The following OSBPL8 variants were observed in gnomAD, a reference collection of about 807,000 sequenced individuals.
The protein encoded by OSBPL8 is oxysterol-binding protein-related protein 8.
Under a neutral mutation model 125.5 loss-of-function variants are expected in OSBPL8, and 59 were observed. The observed-to-expected ratio is 0.47, with a 90% CI of 0.38 to 0.58. The LOEUF (loss-of-function observed/expected upper bound fraction) is 0.58. OSBPL8 is among the 20% of genes least tolerant of loss of function. The pLI is 0.00. For missense variants in OSBPL8, 758 were observed against 1,047.8 expected (o/e 0.72, Z 3.82); for synonymous variants, 330 against 338.9 (o/e 0.97, Z 0.29).
chr12:76,425,108 C>T (rs1461874589), intron 4 of OSBPL8, among the ~76,000 whole-genome samples: 1 of 151,900 alleles, frequency 6.6e-6, no homozygotes, highest in African/African-American at 2.4e-5. Flanking sequence ...TGGAAGCAGG[C>T]CAAAAAATAA....
chr12:76,549,141 G>A (rs1475360026), intron 1 of OSBPL8, among the ~76,000 whole-genome samples: 1 of 148,154 alleles, frequency 6.7e-6, no homozygotes, highest in Non-Finnish European at 1.5e-5. Flanking sequence ...AGAGAAGGAA[G>A]ATCAAGACAG....
At chr12:76,541,207 G>A (rs1272014791) in intron 1 of OSBPL8, among the ~76,000 whole-genome samples, 2 of 152,144 alleles carry the variant, frequency 1.3e-5, no homozygotes, top group African/African-American at 4.8e-5. Context: ...GGTCAGGCGC[G>A]GTGGCTCATG....
At chr12:76,549,407 C>CTGAT (rs1367910609) in intron 1 of OSBPL8, among the ~76,000 whole-genome samples, 2 of 152,310 alleles carry the variant, frequency 1.3e-5, no homozygotes, top group African/African-American at 4.8e-5. Flanking sequence ...GTGAATCAGA[C>CTGAT]TGATACATGA....
At chr12:76,456,688 T>C (rs1370858931) in intron 3 of OSBPL8, among the ~76,000 whole-genome samples, 2 of 152,176 alleles carry the variant, frequency 1.3e-5, no homozygotes, top group African/African-American at 2.4e-5. Flanking sequence ...GGAAGCCTTA[T>C]ACATAATACG....
At chr12:76,501,810 T>C (rs201079916) in intron 1 of OSBPL8, among the ~76,000 whole-genome samples, 1 of 152,138 alleles carries the variant, frequency 6.6e-6, no homozygotes. Context: ...CAGTGGCAGG[T>C]AGATTACGTT....
chr12:76,410,646 A>G lies in OSBPL8; in HGVS notation c.218-12T>C, dbSNP rs746692283. On this transcript the variant is annotated splice_polypyrimidine_tract_variant and intron_variant, in intron 4 of 23. Coordinates refer to ENST00000261183, the MANE Select transcript of OSBPL8 (RefSeq NM_020841.5). ...CCCTCTTTCAAAACCTTAAAAAAAT[A>G]GTCAGCATATCAGTATTACTACTTT... 3 of 1,551,484 alleles carry G rather than the reference A, an allele frequency of 1.9e-6. No homozygotes were observed. In the East Asian group the frequency reaches 6.7e-5, roughly 35 times the overall value.
chr12:76,516,884 G>A (rs1476811823), intron 1 of OSBPL8, among the ~76,000 whole-genome samples: 6 of 149,912 alleles, frequency 4.0e-5, no homozygotes, highest in South Asian at 2.1e-4. Context: ...GCGCAGTATC[G>A]GCTCACCACA....
intron 20 of OSBPL8, 28 bp from the exon 21 acceptor site, chr12:76,369,329 T>C (rs1356496278): frequency 6.5e-7 from 1 of 1,550,114 alleles, no homozygotes; most frequent in African/African-American, 1.4e-5. Context: ...AAAAAAACCA[T>C]TTGCTCAATG....
In OSBPL8 at chr12:76,436,742, T is replaced by C. The variant is rs557293009; in HGVS notation, c.217+14109A>G. On this transcript the variant is annotated intron_variant, in intron 4 of 23. Coordinates refer to ENST00000261183, the MANE Select transcript of OSBPL8 (RefSeq NM_020841.5). ...CCAGTAACAGTCCACAAACTATACCTTTGAAAAGAAAGAATAAACATTTAT... is the reference window on the plus strand; with the variant it reads ...CCAGTAACAGTCCACAAACTATACCCTTGAAAAGAAAGAATAAACATTTAT... Among the ~76,000 whole-genome samples, 163 of 152,194 alleles carry C rather than the reference T, an allele frequency of 1.1e-3. 2 individuals carry two copies. Among genetic ancestry groups the C allele is most frequent in the Non-Finnish European group, 1.1e-3 (78 of 67,978 alleles).
intron 4 of OSBPL8, among the ~76,000 whole-genome samples, chr12:76,448,089 T>A (rs1872930786): frequency 6.6e-6 from 1 of 152,170 alleles, no homozygotes; most frequent in Admixed American, 6.5e-5. Flanking sequence ...TATGGTTACA[T>A]AAGAAAATGT....
chr12:76,401,160 T>C (rs1954038264), intron 6 of OSBPL8, among the ~76,000 whole-genome samples: 1 of 152,130 alleles, frequency 6.6e-6, no homozygotes, highest in Non-Finnish European at 1.5e-5. Flanking sequence ...CTAGAACCCA[T>C]TTTTATTATA....
rs188554471 is a variant in OSBPL8 at position 76,547,267 on chromosome 12, G to A, written c.-68+12130C>T. Among the ~76,000 whole-genome samples, 443 of 152,206 alleles carry A rather than the reference G, an allele frequency of 2.9e-3. 1 individual carries two copies. The highest frequency in any genetic ancestry group is 8.0e-3 in the Admixed American group (122 of 15,288). On this transcript the variant is annotated intron_variant, in intron 1 of 23. Coordinates refer to ENST00000261183, the MANE Select transcript of OSBPL8 (RefSeq NM_020841.5). ...CAATGCAGAAATATCACAGAAGAGA[G>A]GGAAATTAGATGAATGTATTTAAAT...
chr12:76,548,334 G>A (rs1038216486), intron 1 of OSBPL8, among the ~76,000 whole-genome samples: 1 of 152,064 alleles, frequency 6.6e-6, no homozygotes, highest in Non-Finnish European at 1.5e-5. Flanking sequence ...GGAAAGGATG[G>A]GAACCAATAC....
intron 16 of OSBPL8, among the ~76,000 whole-genome samples, chr12:76,377,877 A>G (rs1361408331): frequency 6.6e-6 from 1 of 152,110 alleles, no homozygotes; most frequent in Non-Finnish European, 1.5e-5. Flanking sequence ...GAATAATAAT[A>G]TTTCTATTTT....
intron 4 of OSBPL8, among the ~76,000 whole-genome samples, chr12:76,440,349 T>C (rs1872038382): frequency 6.6e-6 from 1 of 152,174 alleles, no homozygotes; most frequent in Non-Finnish European, 1.5e-5. Context: ...GACGGTATTT[T>C]AGATTTTAAG....
Position 76,358,753 on chromosome 12 carries a change from C to G in OSBPL8, c.2387G>C (p.Gly796Ala). 2 of 1,614,054 alleles carry G rather than the reference C, an allele frequency of 1.2e-6. No homozygotes were observed. Among genetic ancestry groups the G allele is most frequent in the Non-Finnish European group, 1.7e-6 (2 of 1,179,982 alleles). The change falls in exon 22 of 24, where the codon GGC becomes GCC. Residue 796 changes from glycine (G) to alanine (A), a missense_variant. Coordinates refer to ENST00000261183, the MANE Select transcript of OSBPL8 (RefSeq NM_020841.5). ...PTRQQKKVAK[G>A]YSSPEPDIQD... The stretch of plus-strand genomic sequence containing the variant: ...AATGTCAGGTTCTGGGGAGGAATAG[C>G]CTTTTGCTACTTTCTTCTGTTGCCT...
chr12:76,479,567 A>G (rs1382263653), intron 2 of OSBPL8, among the ~76,000 whole-genome samples: 1 of 152,164 alleles, frequency 6.6e-6, no homozygotes, highest in Non-Finnish European at 1.5e-5. Flanking sequence ...AGAATCAGAC[A>G]TTATGTGCCT....
At chr12:76,362,902 G>A (rs1043323192) in intron 21 of OSBPL8, among the ~76,000 whole-genome samples, 2 of 152,140 alleles carry the variant, frequency 1.3e-5, no homozygotes, top group Non-Finnish European at 2.9e-5. Flanking sequence ...TAGACAGAGA[G>A]CCAAATCATG....
chr12:76,553,348 G>C (rs574188189), intron 1 of OSBPL8, among the ~76,000 whole-genome samples: 2 of 152,112 alleles, frequency 1.3e-5, no homozygotes, highest in South Asian at 4.1e-4. Context: ...GATTTCAACT[G>C]TACAGATCTG....
Sources: allele counts gnomAD v4.1 joint callset (sites outside exome capture counted in the v4.1 genomes callset), GRCh38; gene constraint gnomAD v4.1.1; transcripts MANE v1.5; gene names NCBI Gene and HGNC (gene_info 2026-07-23, HGNC 2026-07-21).